SLC39A8: variants seen among roughly 807,000 people sequenced by gnomAD.
The protein encoded by SLC39A8 is solute carrier family 39 member 8, also known as metal cation symporter ZIP8.
Under a neutral mutation model 40.4 loss-of-function variants are expected in SLC39A8, and 15 were observed. The ratio of observed to expected loss-of-function variants is 0.37; its 90% CI spans 0.25 to 0.57. The LOEUF is 0.57. Among genes scored for constraint, SLC39A8 ranks in the 20% least tolerant of loss-of-function variants. The probability of loss-of-function intolerance (pLI) is 0.75; values close to 1 mark genes in which losing one functional copy is unlikely to be tolerated. For synonymous variants in SLC39A8, 223 were observed against 221.6 expected (o/e 1.01, Z -0.06); for missense variants, 472 against 558.8 (o/e 0.84, Z 1.57).
chr4:102,299,163 T>C (rs886137151), intron 6 of SLC39A8, among the ~76,000 whole-genome samples: 1 of 151,982 alleles, frequency 6.6e-6, no homozygotes, highest in Non-Finnish European at 1.5e-5. Flanking sequence ...TCCCAAGTGA[T>C]AGCCAGTAAT....
chr4:102,338,378 G>A (rs969832337), intron 2 of SLC39A8, among the ~76,000 whole-genome samples: 3 of 151,824 alleles, frequency 2.0e-5, no homozygotes, highest in African/African-American at 7.3e-5. Context: ...AGTAGAGATG[G>A]GGTTTCACCA....
intron 2 of SLC39A8, among the ~76,000 whole-genome samples, chr4:102,324,890 C>G (rs1343890293): frequency 1.3e-5 from 2 of 152,106 alleles, no homozygotes; most frequent in Non-Finnish European, 2.9e-5. Flanking sequence ...TTAATTTATC[C>G]TTTTAGGGCT....
At chr4:102,265,402 C>T (rs1732056714) in intron 8 of SLC39A8, among the ~76,000 whole-genome samples, 1 of 152,122 alleles carries the variant, frequency 6.6e-6, no homozygotes, top group African/African-American at 2.4e-5. Flanking sequence ...CGTCCCAAAA[C>T]ATAATAGTAA....
Position 102,305,121 on chromosome 4 carries a change from A to G in SLC39A8, c.553-10T>C, listed in dbSNP as rs560051822. The G allele has an allele frequency of 1.9e-6, 3 of 1,599,208 alleles. No individual in the cohort carries two copies. In the East Asian group the frequency reaches 6.7e-5, roughly 36 times the overall value. ...GATCAAATCCAAATGCCTAAGGGAG[A>G]AAAAAGGGCAATTCAAGTAAAACCA... On this transcript the variant is annotated splice_polypyrimidine_tract_variant and intron_variant, in intron 4 of 8. Coordinates refer to ENST00000356736, the MANE Select transcript of SLC39A8 (RefSeq NM_001135146.2).
chr4:102,305,306 A>G (rs1380713150), intron 4 of SLC39A8, among the ~76,000 whole-genome samples, 195 bp from the exon 5 acceptor site: 1 of 151,964 alleles, frequency 6.6e-6, no homozygotes, highest in African/African-American at 2.4e-5. Flanking sequence ...AGATGGCACA[A>G]AAACCTTACA....
chr4:102,306,061 G>C (rs776973736), intron 4 of SLC39A8, among the ~76,000 whole-genome samples: 1 of 151,860 alleles, frequency 6.6e-6, no homozygotes, highest in Non-Finnish European at 1.5e-5. Flanking sequence ...CTAACATTGA[G>C]GTTATGAAAA....
intron 2 of SLC39A8, among the ~76,000 whole-genome samples, chr4:102,325,056 C>T (rs1735134999): frequency 6.6e-6 from 1 of 151,932 alleles, no homozygotes; most frequent in Non-Finnish European, 1.5e-5. Context: ...CCAAATCTCC[C>T]TGATATATAC....
chr4:102,263,213 T>A lies in SLC39A8; in HGVS notation c.1234-20A>T. ...TGGAAACTAGAAGACAGATATATTG[T>A]TAGATAACTGTTGCCATCTTGTGGC... On this transcript the variant is annotated intron_variant, in intron 8 of 8. Transcript: ENST00000356736. 1 of 1,604,160 alleles carries A rather than the reference T, an allele frequency of 6.2e-7. No homozygotes were observed. The highest frequency in any genetic ancestry group is 8.5e-7 in the Non-Finnish European group (1 of 1,172,142).
intron 4 of SLC39A8, among the ~76,000 whole-genome samples, chr4:102,305,846 G>A (rs1360732624): frequency 1.3e-5 from 2 of 151,926 alleles, no homozygotes; most frequent in African/African-American, 2.4e-5. Flanking sequence ...TAGAATCAGA[G>A]GAGAGACTAA....
chr4:102,326,094 C>A (rs1009926532), intron 2 of SLC39A8, among the ~76,000 whole-genome samples: 2 of 152,196 alleles, frequency 1.3e-5, no homozygotes, highest in African/African-American at 2.4e-5. Context: ...GCAGAGGCCA[C>A]CCTACTTCCC....
At chr4:102,339,356 C>T (rs1735814864) in intron 2 of SLC39A8, among the ~76,000 whole-genome samples, 1 of 152,096 alleles carries the variant, frequency 6.6e-6, no homozygotes, top group African/African-American at 2.4e-5. Flanking sequence ...TTCTTTATCT[C>T]TTCTGTCCAT....
chr4:102,264,928 T>C (rs757778463), intron 8 of SLC39A8, among the ~76,000 whole-genome samples: 4 of 152,252 alleles, frequency 2.6e-5, no homozygotes, highest in Non-Finnish European at 5.9e-5. Context: ...AAATAGGCTG[T>C]TGCTTAACGG....
At position 102,261,912 on chromosome 4, in the gene SLC39A8, AC is replaced by A. The variant is rs1049184295; in HGVS notation, c.*1131del. 1.0e-6 allele frequency: 1 copy of A among 985,298 alleles called. No homozygotes were observed. The highest frequency in any genetic ancestry group is 1.7e-5 in the African/African-American group (1 of 57,180). 61.0% of individuals were successfully genotyped at this position (985,298 alleles called of 1,614,324 possible). ...GTGAATCTAGGATGTTCAATTTTAG[AC>A]CAATTTTCTCTATCTTCTAAATGAG... On this transcript the variant is annotated 3_prime_UTR_variant, in exon 9 of 9. Coordinates refer to ENST00000356736, the MANE Select transcript of SLC39A8 (RefSeq NM_001135146.2).
chr4:102,269,963 T>C (rs1383991138), intron 6 of SLC39A8, among the ~76,000 whole-genome samples: 2 of 152,172 alleles, frequency 1.3e-5, no homozygotes, highest in Non-Finnish European at 2.9e-5. Context: ...GATCGGGTAG[T>C]TTGCATAAAA....
intron 2 of SLC39A8, among the ~76,000 whole-genome samples, chr4:102,320,409 AATATATATATGAGAATAT>A (rs1734895803): frequency 1.9e-5 from 2 of 107,636 alleles, no homozygotes; most frequent in Non-Finnish European, 1.8e-5. Flanking sequence ...TATATATGAG[AATATATATATGAGAATAT>A]ATATATATGA....
At chr4:102,327,709 A>G (rs573128397) in intron 2 of SLC39A8, among the ~76,000 whole-genome samples, 15 of 152,302 alleles carry the variant, frequency 9.8e-5, no homozygotes, top group Middle Eastern at 3.4e-3. Context: ...TCAACCCCTA[A>G]TAAGTCCTTG....
At chr4:102,338,529 AGTC>A in intron 2 of SLC39A8, among the ~76,000 whole-genome samples, 1 of 152,238 alleles carries the variant, frequency 6.6e-6, no homozygotes, top group Non-Finnish European at 1.5e-5. Context: ...GACAAAGACA[AGTC>A]ATCATCATCG....
At chr4:102,270,149 G>C (rs1419292369) in intron 6 of SLC39A8, among the ~76,000 whole-genome samples, 1 of 152,130 alleles carries the variant, frequency 6.6e-6, no homozygotes, top group African/African-American at 2.4e-5. Context: ...CTAATTACAT[G>C]TTTAAAATTT....
At chr4:102,277,712 A>G (rs192427953) in intron 6 of SLC39A8, among the ~76,000 whole-genome samples, 8 of 152,358 alleles carry the variant, frequency 5.3e-5, no homozygotes, top group African/African-American at 1.9e-4. Context: ...AGTTGGAGGC[A>G]TCACGCTACC....
Sources: gnomAD v4.1 joint callset for allele counts (sites outside exome capture counted in the v4.1 genomes callset) on GRCh38, gnomAD v4.1.1 for gene constraint, MANE v1.5 for transcripts, NCBI Gene and HGNC (gene_info 2026-07-23, HGNC 2026-07-21) for gene names.